The following CSTPP1 variants were observed in gnomAD, a reference collection of about 807,000 sequenced individuals.
CSTPP1 encodes UPF0705 protein C11orf49.
At chr11:47,034,145 T>A in the CSTPP1 span, among the ~76,000 whole-genome samples, 3 of 151,768 alleles carry the variant, frequency 2.0e-5, no homozygotes, top group African/African-American at 7.3e-5. Flanking sequence ...TAAAAGGCAG[T>A]CCATTACCAG....
At chr11:46,978,792 G>C in the CSTPP1 span, among the ~76,000 whole-genome samples, 2 of 152,096 alleles carry the variant, frequency 1.3e-5, no homozygotes. Flanking sequence ...CCCCACCTTC[G>C]TGCAGAGCCA....
At chr11:47,085,308 G>T in the CSTPP1 span, among the ~76,000 whole-genome samples, 1 of 152,096 alleles carries the variant, frequency 6.6e-6, no homozygotes, top group African/African-American at 2.4e-5. Context: ...TAGGAATTGT[G>T]ACACAATACT....
the CSTPP1 span, among the ~76,000 whole-genome samples, chr11:47,106,741 C>T: frequency 1.3e-5 from 2 of 152,190 alleles, no homozygotes; most frequent in Admixed American, 6.5e-5. Context: ...AGGAATGTTT[C>T]CACAGAATGG....
At chr11:46,981,940 C>T in the CSTPP1 span, among the ~76,000 whole-genome samples, 3 of 151,898 alleles carry the variant, frequency 2.0e-5, no homozygotes, top group Admixed American at 6.6e-5. Flanking sequence ...CCAGGATATA[C>T]CAGTAAAGAT....
the CSTPP1 span, among the ~76,000 whole-genome samples, chr11:47,152,798 A>C: frequency 6.6e-6 from 1 of 152,214 alleles, no homozygotes; most frequent in Non-Finnish European, 1.5e-5. Context: ...GATCAACAGA[A>C]GCCATGGAAC....
the CSTPP1 span, among the ~76,000 whole-genome samples, chr11:46,996,714 T>C: frequency 6.6e-6 from 1 of 152,354 alleles, no homozygotes. Context: ...TGGTTTTTCC[T>C]TTCCACGTTT....
the CSTPP1 span, among the ~76,000 whole-genome samples, chr11:47,025,391 T>TA: frequency 6.6e-6 from 1 of 152,186 alleles, no homozygotes; most frequent in Non-Finnish European, 1.5e-5. Context: ...TGGATGGCTC[T>TA]AAAAGAACAA....
the CSTPP1 span, among the ~76,000 whole-genome samples, chr11:46,977,247 A>T: frequency 6.6e-6 from 1 of 152,224 alleles, no homozygotes; most frequent in African/African-American, 2.4e-5. Context: ...TCAACAAAAC[A>T]GCAGCCAGCA....
At chr11:47,078,294 T>G in the CSTPP1 span, among the ~76,000 whole-genome samples, 1 of 152,156 alleles carries the variant, frequency 6.6e-6, no homozygotes, top group Non-Finnish European at 1.5e-5. Flanking sequence ...AGAGAACCAT[T>G]TTAGTTGAGT....
chr11:47,140,476 G>A, the CSTPP1 span, among the ~76,000 whole-genome samples: 3 of 152,144 alleles, frequency 2.0e-5, no homozygotes, highest in African/African-American at 7.2e-5. Context: ...AGGCTGGAGG[G>A]CAGTGGTGCA....
chr11:47,021,446 G>A, the CSTPP1 span, among the ~76,000 whole-genome samples: 18 of 152,272 alleles, frequency 1.2e-4, no homozygotes, highest in Non-Finnish European at 4.4e-5. Flanking sequence ...GCCCCCATAT[G>A]TGGCCTATTA....
the CSTPP1 span, among the ~76,000 whole-genome samples, chr11:46,982,134 C>T: frequency 4.6e-5 from 7 of 150,704 alleles, no homozygotes; most frequent in Non-Finnish European, 1.0e-4. Flanking sequence ...TTTTTTAAAT[C>T]TCAGAGAACA....
At chr11:46,976,768 A>G in the CSTPP1 span, among the ~76,000 whole-genome samples, 1 of 152,090 alleles carries the variant, frequency 6.6e-6, no homozygotes, top group Non-Finnish European at 1.5e-5. Flanking sequence ...GGGCTCTCTG[A>G]GTATACCAAA....
At chr11:47,136,806 A>G in the CSTPP1 span, among the ~76,000 whole-genome samples, 1 of 152,140 alleles carries the variant, frequency 6.6e-6, no homozygotes, top group Non-Finnish European at 1.5e-5. Flanking sequence ...TTGATATATG[A>G]TAATACTTAC....
the CSTPP1 span, among the ~76,000 whole-genome samples, chr11:47,101,117 G>A: frequency 7.0e-6 from 1 of 141,878 alleles, no homozygotes; most frequent in African/African-American, 2.6e-5. Flanking sequence ...TTCTACCTCA[G>A]CCTTCTGAAT....
the CSTPP1 span, chr11:46,936,770 G>C: frequency 1.9e-6 from 3 of 1,608,420 alleles, no homozygotes; most frequent in African/African-American, 4.0e-5. Flanking sequence ...TCCGGAAGCC[G>C]GAGAGCTGGA....
chr11:47,051,298 T>C, the CSTPP1 span, among the ~76,000 whole-genome samples: 1 of 152,258 alleles, frequency 6.6e-6, no homozygotes, highest in Non-Finnish European at 1.5e-5. Context: ...GGATGATTAC[T>C]GGATAATTGC....
the CSTPP1 span, among the ~76,000 whole-genome samples, chr11:46,964,056 G>C: frequency 5.0e-4 from 76 of 151,978 alleles, no homozygotes; most frequent in Non-Finnish European, 6.0e-4. Context: ...TTTCTATCTG[G>C]TCTCGTTACC....
At chr11:47,019,254 C>T in the CSTPP1 span, among the ~76,000 whole-genome samples, 4 of 152,166 alleles carry the variant, frequency 2.6e-5, no homozygotes, top group African/African-American at 4.8e-5. Context: ...ATGTAATCTG[C>T]TCGCCTCGGC....
Sources: gnomAD v4.1 joint callset for allele counts (sites outside exome capture counted in the v4.1 genomes callset) on GRCh38, gnomAD v4.1.1 for gene constraint, MANE v1.5 for transcripts, NCBI Gene and HGNC (gene_info 2026-07-23, HGNC 2026-07-21) for gene names.